Variants in RGS14 observed in about 807,000 individuals in gnomAD.
RGS14 encodes the protein regulator of G-protein signaling 14.
In RGS14, 33 loss-of-function variants were observed where a neutral mutation model predicts 63.8. The observed-to-expected ratio is 0.52, with a 90% confidence interval of 0.39 to 0.69. The LOEUF (loss-of-function observed/expected upper bound fraction) is 0.69. Ranked by LOEUF, RGS14 falls within the 30% of genes least tolerant of loss-of-function variation. The pLI, the probability that RGS14 is intolerant of heterozygous loss-of-function variation, is 0.00. For synonymous variants in RGS14, 296 were observed against 320.9 expected, an observed-to-expected ratio of 0.92 and a Z score of 0.83; for missense variants, 739 against 742.9, an observed-to-expected ratio of 0.99 and a Z score of 0.06.
chr5:177,366,243 G>T lies in RGS14; in HGVS notation c.134G>T (p.Ser45Ile). 1 of 1,592,314 alleles carries T rather than the reference G, an allele frequency of 6.3e-7. No individual in the cohort carries two copies. The highest frequency in any genetic ancestry group is 8.5e-7 in the Non-Finnish European group (1 of 1,170,540). The change falls in exon 3 of 15, where the codon AGC (serine) becomes ATC (isoleucine). Residue 45 changes from serine to isoleucine, a missense_variant. Ser to Ile is a moderately radical substitution (Grantham distance 142, BLOSUM62 -2). Transcript: ENST00000408923. ...EGRGSSLSIH[S>I]LPSGPSSPFP... ...CGCGGCAGCTCTCTCAGCATCCACA[G>T]CCTCCCCAGTGGTCCCAGCAGCCCC...
In RGS14 at chr5:177,359,439, C is replaced by T. The variant is rs1761908454; in HGVS notation, c.45+1370C>T. Among the ~76,000 whole-genome samples the T allele has an allele frequency of 1.3e-5, 2 of 152,184 alleles. No homozygotes were observed. Among genetic ancestry groups the T allele is most frequent in the South Asian group, 4.1e-4 (2 of 4,828 alleles). On this transcript the variant is annotated intron_variant, in intron 1 of 14. Coordinates refer to ENST00000408923, the MANE Select transcript of RGS14 (RefSeq NM_006480.5). This position sits in a 1 kb window ranked among gnomAD's most constrained non-coding sequence, Gnocchi z 4.4. Reference sequence around the variant, plus strand: ...CAAGGAGGCTAACCCCAGGCCCACCCTGGGAGGGCAACTGGATTGATGCTT... The same window carrying T: ...CAAGGAGGCTAACCCCAGGCCCACCTTGGGAGGGCAACTGGATTGATGCTT...
At chr5:177,368,372 C>T in intron 8 of RGS14, 106 bp downstream of exon 8, 1 of 1,228,076 alleles carries the variant, frequency 8.1e-7, no homozygotes, top group Non-Finnish European at 1.1e-6. Flanking sequence ...TACTGCGTCT[C>T]CCAGCTTGCT....
intron 5 of RGS14, 87 bp from the exon 6 acceptor site, chr5:177,367,327 G>C: frequency 1.4e-6 from 2 of 1,474,974 alleles, no homozygotes; most frequent in Non-Finnish European, 1.8e-6. Flanking sequence ...TTTGGGGCGG[G>C]GCCAGCCCCA....
Position 177,358,866 on chromosome 5 carries a change from C to T in RGS14, c.45+797C>T, listed in dbSNP as rs1206790989. ...GAAGGCCAGTGTCCTGGCCCACCACCAGGCCCCAGCCTAGTATCACGGGCC... is the reference window on the plus strand; with the variant it reads ...GAAGGCCAGTGTCCTGGCCCACCACTAGGCCCCAGCCTAGTATCACGGGCC... On this transcript the variant is annotated intron_variant, in intron 1 of 14. Coordinates refer to ENST00000408923, the MANE Select transcript of RGS14 (RefSeq NM_006480.5). The surrounding 1 kb of genome is among the most constrained non-coding windows in gnomAD (Gnocchi z 4.8). Among the ~76,000 whole-genome samples, 1 of 152,240 alleles carries T rather than the reference C, an allele frequency of 6.6e-6. No individual in the cohort carries two copies. Among genetic ancestry groups the T allele is most frequent in the Non-Finnish European group, 1.5e-5 (1 of 68,036 alleles).
rs960607833 is a variant in RGS14 at position 177,372,199 on chromosome 5, G to A, written c.*124G>A. The A allele has an allele frequency of 2.7e-5, 26 of 958,480 alleles. No homozygotes were observed. The highest frequency in any genetic ancestry group is 1.8e-4 in the African/African-American group (11 of 61,114). 59.4% of individuals were successfully genotyped at this position (958,480 alleles called of 1,614,324 possible). On this transcript the variant is annotated 3_prime_UTR_variant, in exon 15 of 15. Coordinates refer to ENST00000408923, the MANE Select transcript of RGS14 (RefSeq NM_006480.5). ...GCCCCTTCCTGCCATGGGCAGGCCC[G>A]CAGGAAGAGCCGGTAGGGGTGGAAA... is the stretch of plus-strand genomic sequence containing the variant.
Position 177,358,017 on chromosome 5 carries a change from G to A in RGS14, c.-8G>A. ...CCCCCGCGGCGGGGACCCCTGATCG[G>A]CAGCGGCATGCCAGGGAAGCCCAAG... On this transcript the variant is annotated 5_prime_UTR_variant, in exon 1 of 15. Transcript: ENST00000408923. The surrounding 1 kb of genome is among the most constrained non-coding windows in gnomAD (Gnocchi z 4.8). 7.4e-7 allele frequency: 1 copy of A among 1,357,304 alleles called. No individual in the cohort carries two copies. Among genetic ancestry groups the A allele is most frequent in the Non-Finnish European group, 9.6e-7 (1 of 1,045,136 alleles). 84.1% of individuals were successfully genotyped at this position (1,357,304 alleles called of 1,614,324 possible). A position where few individuals can be genotyped will look rare whatever the true frequency, so the allele number is the denominator to read the frequency against.
Position 177,366,951 on chromosome 5 carries a change from G to C in RGS14, c.400G>C (p.Val134Leu), listed in dbSNP as rs767139409. ...EFLSSQALSP[V>L]NIDRQAWLGE... ...CCTGTCCAGCCAGGCGCTGAGCCCA[G>C]TGAACATCGACCGTCAGGCCTGGCT... Residue 134 changes from valine to leucine, a missense_variant, in exon 5 of 15, where the codon GTG becomes CTG. Physicochemically the swap from Val to Leu is conservative, Grantham distance 32 (BLOSUM62 1). Coordinates refer to ENST00000408923, the MANE Select transcript of RGS14 (RefSeq NM_006480.5). 1 of 1,613,896 alleles carries C rather than the reference G, an allele frequency of 6.2e-7. No homozygotes were observed. Among genetic ancestry groups the C allele is most frequent in the East Asian group, 2.2e-5 (1 of 44,898 alleles).
Position 177,371,456 on chromosome 5 carries a change from T to C in RGS14, c.1384-19T>C, listed in dbSNP as rs952486409. The C allele has an allele frequency of 6.2e-7, 1 of 1,614,018 alleles. No homozygotes were observed. Among genetic ancestry groups the C allele is most frequent in the African/African-American group, 1.3e-5 (1 of 74,928 alleles). On this transcript the variant is annotated intron_variant, in intron 13 of 14. Coordinates refer to ENST00000408923, the MANE Select transcript of RGS14 (RefSeq NM_006480.5). This position sits in a 1 kb window ranked among gnomAD's most constrained non-coding sequence, Gnocchi z 6.1. ...GCTTCTCCCCTCCCGATTTTGGCTC[T>C]GACCCCAAATTCTCGCAGGGCTGCC...
chr5:177,360,377 C>T (rs1022319037), intron 1 of RGS14, among the ~76,000 whole-genome samples: 2 of 151,828 alleles, frequency 1.3e-5, no homozygotes, highest in African/African-American at 2.4e-5. Flanking sequence ...AGTTTGAGAC[C>T]AGCCTGGGCA....
At chr5:177,367,350 G>A (rs1318744271) in intron 5 of RGS14, 64 bp from the exon 6 acceptor site, 3 of 1,520,310 alleles carry the variant, frequency 2.0e-6, no homozygotes, top group South Asian at 1.2e-5. Context: ...GACCCGGCCT[G>A]GGTGCAGGCA....
rs769815032 is a variant in RGS14 at position 177,367,565 on chromosome 5, G to A, written c.627+8G>A. 6 of 1,603,882 alleles carry A rather than the reference G, an allele frequency of 3.7e-6. No homozygotes were observed. Among genetic ancestry groups the A allele is most frequent in the African/African-American group, 1.3e-5 (1 of 74,758 alleles). On this transcript the variant is annotated splice_region_variant and intron_variant, in intron 6 of 14. Transcript: ENST00000408923. Reference sequence around the variant, plus strand: ...CCTGACGCCACGAGGAAGGTGCGTGGGACTGGGCGAGGGACTGGGCGAGGC... The same window carrying A: ...CCTGACGCCACGAGGAAGGTGCGTGAGACTGGGCGAGGGACTGGGCGAGGC...
At chr5:177,370,775 G>A in intron 10 of RGS14, 111 bp downstream of exon 10, 1 of 1,504,858 alleles carries the variant, frequency 6.6e-7, no homozygotes, top group Non-Finnish European at 9.0e-7. Flanking sequence ...CCGCCCCTGG[G>A]ACAAACCCCG....
At chr5:177,367,917 CTG>C (rs781460895) in intron 7 of RGS14, 92 bp downstream of exon 7, 4 of 1,445,482 alleles carry the variant, frequency 2.8e-6, no homozygotes, top group Non-Finnish European at 3.6e-6. Flanking sequence ...GGCCCACAGT[CTG>C]TAAGTCTGTG....
Position 177,366,996 on chromosome 5 carries a change from G to T in RGS14, c.445G>T (p.Glu149Ter). The stretch of plus-strand genomic sequence containing the variant: ...CTGGCTTGGCGAGGAGGTGCTGGCC[G>T]AGCCCCGGCCGGACATGTTTCGGGC... ...QAWLGEEVLA[E>*]PRPDMFRAQQ... The change falls in exon 5 of 15, where the codon GAG becomes TAG. Residue 149 changes from glutamate to a stop codon, truncating the protein, a stop_gained. Coordinates refer to ENST00000408923, the MANE Select transcript of RGS14 (RefSeq NM_006480.5). LOFTEE classifies it high-confidence loss of function. 6.2e-7 allele frequency: 1 copy of T among 1,613,072 alleles called. No homozygotes were observed. The highest frequency in any genetic ancestry group is 1.3e-5 in the African/African-American group (1 of 75,024).
intron 10 of RGS14, 102 bp from the exon 11 acceptor site, chr5:177,370,803 C>T: frequency 6.5e-7 from 1 of 1,536,890 alleles, no homozygotes; most frequent in Non-Finnish European, 8.8e-7. Flanking sequence ...CAAGCCAGTC[C>T]CACCTTCTGC....
rs780032073 is a variant in RGS14 at position 177,368,227 on chromosome 5, G to A, written c.810G>A (p.Leu270=). ...GCTCCCTCAACTCCTCCGCCAGCCT[G>A]GACCTTGGCTTCCTAGCCTTCGTCA... ...SQGSLNSSAS[L]DLGFLAFVSS... Residue 270 remains leucine (L), a synonymous_variant, in exon 8 of 15, where the codon CTG becomes CTA. Coordinates refer to ENST00000408923, the MANE Select transcript of RGS14 (RefSeq NM_006480.5). 1 of 1,613,844 alleles carries A rather than the reference G, an allele frequency of 6.2e-7. No individual in the cohort carries two copies. Among genetic ancestry groups the A allele is most frequent in the Non-Finnish European group, 8.5e-7 (1 of 1,179,838 alleles).
In RGS14 at chr5:177,366,804, G is replaced by A. The variant is rs1438290388; in HGVS notation, c.339+4G>A. Reference sequence around the variant, plus strand: ...CCCGGCCAGCGATACCCAGCAGGTGGGGGAAGGGGGAGCTGGGGCCGAGGG... The same window carrying A: ...CCCGGCCAGCGATACCCAGCAGGTGAGGGAAGGGGGAGCTGGGGCCGAGGG... On this transcript the variant is annotated splice_donor_region_variant and intron_variant, in intron 4 of 14. Coordinates refer to ENST00000408923, the MANE Select transcript of RGS14 (RefSeq NM_006480.5). The A allele has an allele frequency of 1.1e-5, 17 of 1,614,004 alleles. No individual in the cohort carries two copies. Among genetic ancestry groups the A allele is most frequent in the Middle Eastern group, 1.6e-4 (1 of 6,082 alleles).
chr5:177,360,226 C>T (rs926768502), intron 1 of RGS14, among the ~76,000 whole-genome samples: 4 of 152,052 alleles, frequency 2.6e-5, no homozygotes, highest in African/African-American at 4.8e-5. Context: ...TAGACACTCC[C>T]GACCCAGGCC....
At chr5:177,367,111 C>T in intron 5 of RGS14, 77 bp downstream of exon 5, 1 of 1,519,446 alleles carries the variant, frequency 6.6e-7, no homozygotes, top group Non-Finnish European at 8.9e-7. Flanking sequence ...GGCGGGGAGT[C>T]TGAACTACAA....
Sources: gnomAD v4.1 joint callset for allele counts (sites outside exome capture counted in the v4.1 genomes callset) on GRCh38, gnomAD v4.1.1 for gene constraint, Gnocchi (gnomAD v3.1) non-coding constraint, MANE v1.5 for transcripts, NCBI Gene and HGNC (gene_info 2026-07-23, HGNC 2026-07-21) for gene names.